RBFOX2: variants seen among roughly 807,000 people sequenced by gnomAD.
RBFOX2 encodes the protein RNA binding fox-1 homolog 2.
A neutral mutation model predicts 49.1 loss-of-function variants in RBFOX2; 10 were observed. The ratio of observed to expected loss-of-function variants is 0.20; its 90% CI spans 0.13 to 0.35. RBFOX2 has a LOEUF of 0.35. Among genes scored for constraint, RBFOX2 ranks in the 10% least tolerant of loss-of-function variants. RBFOX2 has a pLI of 1.00. For synonymous variants in RBFOX2, 183 were observed against 187.4 expected, an observed-to-expected ratio of 0.98 and a Z score of 0.19; for missense variants, 323 against 486.9, an observed-to-expected ratio of 0.66 and a Z score of 3.17.
chr22:35,960,038 T>A (rs2056027325), intron 1 of RBFOX2, among the ~76,000 whole-genome samples: 1 of 152,218 alleles, frequency 6.6e-6, no homozygotes, highest in African/African-American at 2.4e-5. Flanking sequence ...TCTGAATTAT[T>A]TTCAATCCGT....
intron 1 of RBFOX2, among the ~76,000 whole-genome samples, chr22:36,011,723 A>G (rs1464949465): frequency 1.3e-5 from 2 of 152,208 alleles, no homozygotes; most frequent in Non-Finnish European, 2.9e-5. Flanking sequence ...ATTTTGAATC[A>G]TTAACCATGT....
At chr22:35,840,123 C>G in intron 1 of RBFOX2, 2 of 1,560,682 alleles carry the variant, frequency 1.3e-6, no homozygotes, top group Non-Finnish European at 1.8e-6. Context: ...TTACTATACT[C>G]CACCCTCAAA....
At chr22:35,801,189 A>T (rs1049270027) in intron 2 of RBFOX2, among the ~76,000 whole-genome samples, 1 of 152,182 alleles carries the variant, frequency 6.6e-6, no homozygotes, top group Non-Finnish European at 1.5e-5. Flanking sequence ...AAAGTGAGAT[A>T]CAAATTTGAG....
At chr22:35,792,956 G>A (rs1948067355) in intron 2 of RBFOX2, among the ~76,000 whole-genome samples, 1 of 152,186 alleles carries the variant, frequency 6.6e-6, no homozygotes, top group South Asian at 2.1e-4. Context: ...TGGAGACAGG[G>A]TCTCCCAATG....
At chr22:35,779,291 C>A (rs573978676) in intron 3 of RBFOX2, among the ~76,000 whole-genome samples, 1 of 152,136 alleles carries the variant, frequency 6.6e-6, no homozygotes, top group Admixed American at 6.5e-5. Context: ...TTATATTTCC[C>A]TCTGAGTATT....
intron 1 of RBFOX2, among the ~76,000 whole-genome samples, chr22:36,019,982 C>T (rs1188781530): frequency 2.0e-5 from 3 of 152,274 alleles, no homozygotes; most frequent in South Asian, 4.1e-4. Context: ...CATCACGCTA[C>T]CTGACTTCAA....
intron 1 of RBFOX2, among the ~76,000 whole-genome samples, chr22:35,955,805 T>C (rs2055488417): frequency 6.6e-6 from 1 of 152,182 alleles, no homozygotes; most frequent in East Asian, 1.9e-4. Context: ...GGATTGGAGA[T>C]GGAATGGAGG....
chr22:35,938,951 CA>C (rs2053409941), upstream of RBFOX2: 1 of 1,507,770 alleles, frequency 6.6e-7, no homozygotes, highest in African/African-American at 1.4e-5. Flanking sequence ...AAATGTTAGG[CA>C]TAATCAAAAT....
At chr22:35,833,825 A>G (rs1235021936) in intron 1 of RBFOX2, among the ~76,000 whole-genome samples, 4 of 152,204 alleles carry the variant, frequency 2.6e-5, no homozygotes, top group Non-Finnish European at 5.9e-5. Context: ...TGAGTGGAAT[A>G]AATGCTCTAA....
chr22:35,745,867 C>A, intron 11 of RBFOX2, 56 bp downstream of exon 13: 2 of 1,511,544 alleles, frequency 1.3e-6, no homozygotes, highest in Non-Finnish European at 1.8e-6. Flanking sequence ...CTGTAGTCTA[C>A]GGGTAAAAGA....
At chr22:35,840,395 T>G (rs1461795774) in exon 1 of RBFOX2, 1 of 1,508,690 alleles carries the variant, frequency 6.6e-7, no homozygotes, top group Non-Finnish European at 8.8e-7. Context: ...TCTTTTCTCT[T>G]CCTCTCTGGC....
chr22:35,835,541 G>A (rs188865655), intron 1 of RBFOX2, among the ~76,000 whole-genome samples: 49 of 152,228 alleles, frequency 3.2e-4, no homozygotes, highest in African/African-American at 1.2e-3. Context: ...ATCACTGAGA[G>A]GAATGAGGAA....
At chr22:35,756,230 T>C (rs1936893074) in intron 9 of RBFOX2, 86 bp from the exon 11 acceptor site, 1 of 1,265,198 alleles carries the variant, frequency 7.9e-7, no homozygotes, top group Non-Finnish European at 1.1e-6. Context: ...AGCATGCACA[T>C]GCGCTCTACA....
chr22:35,822,694 T>C, intron 1 of RBFOX2: 2 of 366,650 alleles, frequency 5.5e-6, no homozygotes, highest in South Asian at 2.2e-5. Flanking sequence ...TCCCTCTCCA[T>C]CCCCCTAAAT....
upstream of RBFOX2, chr22:35,840,623 C>CGTGTGT (rs1157342118): frequency 7.5e-6 from 8 of 1,067,482 alleles, no homozygotes; most frequent in African/African-American, 1.3e-4. Flanking sequence ...CGCGTGTGTG[C>CGTGTGT]GTGTGTGCGT....
chr22:35,893,686 G>A (rs1415293793), intron 1 of RBFOX2, among the ~76,000 whole-genome samples: 3 of 152,178 alleles, frequency 2.0e-5, no homozygotes, highest in Non-Finnish European at 4.4e-5. Context: ...TAAACATGAA[G>A]GGAGAAGCAC....
intron 1 of RBFOX2, among the ~76,000 whole-genome samples, chr22:35,838,261 T>A (rs1278955913): frequency 2.9e-5 from 4 of 137,528 alleles, no homozygotes; most frequent in African/African-American, 1.4e-4. Flanking sequence ...CAGTATTTCT[T>A]TTCTTTTTTT....
At position 35,973,239 on chromosome 22, in the gene RBFOX2, T is replaced by C. The variant is rs117388783; in HGVS notation, c.187-34342A>G. Among the ~76,000 whole-genome samples, 1,076 of 152,194 alleles carry C rather than the reference T, an allele frequency of 7.1e-3. 4 individuals carry two copies. Among genetic ancestry groups the C allele is most frequent in the Middle Eastern group, 0.014 (4 of 294 alleles). Reference sequence around the variant, plus strand: ...TTGACAGTCTACACCTTTTTAGAGCTCTTTCTCTTATTTTCTTCCGTTAAA... The same window carrying C: ...TTGACAGTCTACACCTTTTTAGAGCCCTTTCTCTTATTTTCTTCCGTTAAA... On this transcript the variant is annotated intron_variant, in intron 1 of 13. Transcript: ENST00000438146.
intron 1 of RBFOX2, among the ~76,000 whole-genome samples, chr22:35,852,635 T>C (rs1402520669): frequency 1.3e-5 from 2 of 152,166 alleles, no homozygotes; most frequent in Non-Finnish European, 2.9e-5. Flanking sequence ...GGGCCACATA[T>C]ACACTTATAA....
Sources: gnomAD v4.1 joint callset for allele counts (sites outside exome capture counted in the v4.1 genomes callset) on GRCh38, gnomAD v4.1.1 for gene constraint, MANE v1.5 for transcripts, NCBI Gene and HGNC (gene_info 2026-07-23, HGNC 2026-07-21) for gene names.